Variants in RBFOX1 observed in about 807,000 individuals in gnomAD.
The protein encoded by RBFOX1 is RNA binding fox-1 homolog 1, also known as RNA binding protein fox-1 homolog 1.
Under a neutral mutation model 57.7 loss-of-function variants are expected in RBFOX1, and 8 were observed. That is an observed-to-expected ratio of 0.14 (90% CI 0.08 to 0.25). The LOEUF is 0.25. Among genes scored for constraint, RBFOX1 ranks in the 10% least tolerant of loss-of-function variants. The pLI is 1.00. For synonymous variants in RBFOX1, 326 were observed against 222.4 expected (o/e 1.47, Z -4.15); for missense variants, 611 against 548.5 (o/e 1.11, Z -1.14).
intron 4 of RBFOX1, among the ~76,000 whole-genome samples, chr16:7,113,040 G>C (rs2065130373): frequency 6.6e-6 from 1 of 152,208 alleles, no homozygotes. Flanking sequence ...TGGAGTCAGA[G>C]AAAGCCTTGC....
chr16:7,174,593 G>C (rs894990375), intron 4 of RBFOX1, among the ~76,000 whole-genome samples: 2 of 152,086 alleles, frequency 1.3e-5, no homozygotes, highest in East Asian at 3.9e-4. Flanking sequence ...TTAACCTGGT[G>C]TAGGTGGTGA....
chr16:6,290,479 C>A (rs570841308), intron 1 of RBFOX1, among the ~76,000 whole-genome samples: 1 of 151,672 alleles, frequency 6.6e-6, no homozygotes, highest in African/African-American at 2.4e-5. Context: ...AAGTGAGCAT[C>A]AGTCACTTGT....
At chr16:6,955,348 G>GAACACA (rs71408483) in intron 3 of RBFOX1, among the ~76,000 whole-genome samples, 6 of 150,230 alleles carry the variant, frequency 4.0e-5, no homozygotes, top group African/African-American at 1.5e-4. Context: ...CCCCACATAT[G>GAACACA]CACACACACA....
At chr16:5,768,805 C>T (rs545023631) in intron 3 of RBFOX1, among the ~76,000 whole-genome samples, 23 of 152,246 alleles carry the variant, frequency 1.5e-4, no homozygotes, top group African/African-American at 5.3e-4. Context: ...ATGGAGTCCC[C>T]TCCACGGAAC....
chr16:6,192,933 C>T (rs536703977), intron 1 of RBFOX1, among the ~76,000 whole-genome samples: 4 of 152,172 alleles, frequency 2.6e-5, no homozygotes, highest in South Asian at 2.1e-4. Context: ...TATATTATGT[C>T]GAAATTCAAT....
intron 3 of RBFOX1, among the ~76,000 whole-genome samples, chr16:6,755,309 A>T (rs904359187): frequency 2.0e-5 from 3 of 152,218 alleles, no homozygotes; most frequent in Admixed American, 6.5e-5. Context: ...ACTAGTTTAC[A>T]GTCCCACCAA....
intron 1 of RBFOX1, among the ~76,000 whole-genome samples, chr16:5,378,645 G>T (rs1417058808): frequency 6.6e-6 from 1 of 151,490 alleles, no homozygotes; most frequent in African/African-American, 2.5e-5. Context: ...AAACTGGGAT[G>T]GTTGGTCACA....
intron 3 of RBFOX1, among the ~76,000 whole-genome samples, chr16:6,923,076 C>T (rs2074833220): frequency 6.6e-6 from 1 of 152,138 alleles, no homozygotes; most frequent in South Asian, 2.1e-4. Context: ...CTGTTATTAC[C>T]CCTAAGCCCA....
At chr16:6,291,372 A>T (rs1489780045) in intron 1 of RBFOX1, among the ~76,000 whole-genome samples, 1 of 152,174 alleles carries the variant, frequency 6.6e-6, no homozygotes, top group African/African-American at 2.4e-5. Flanking sequence ...TGCTGGGGTT[A>T]GATGATATGA....
intron 4 of RBFOX1, among the ~76,000 whole-genome samples, chr16:5,939,813 A>G (rs2059244258): frequency 6.6e-6 from 1 of 152,220 alleles, no homozygotes; most frequent in African/African-American, 2.4e-5. Context: ...ATAAAGCCAC[A>G]GCCATACCCT....
At chr16:5,869,765 G>A (rs1358003167) in intron 4 of RBFOX1, among the ~76,000 whole-genome samples, 1 of 152,188 alleles carries the variant, frequency 6.6e-6, no homozygotes, top group Non-Finnish European at 1.5e-5. Flanking sequence ...AGGAGTTGCA[G>A]TAGTTCCTAC....
At chr16:6,449,357 A>G (rs546927783) in intron 2 of RBFOX1, among the ~76,000 whole-genome samples, 3 of 152,206 alleles carry the variant, frequency 2.0e-5, no homozygotes, top group Admixed American at 6.5e-5. Context: ...AAATGTAACA[A>G]TTATGTTGCA....
chr16:5,937,080 GTAAGGGC>G (rs138405603), intron 4 of RBFOX1, among the ~76,000 whole-genome samples: 28,719 of 152,026 alleles, frequency 0.19, 3,441 homozygotes, highest in Non-Finnish European at 0.28. Flanking sequence ...TAGACCTATT[GTAAGGGC>G]TAAAGTCTAG....
intron 3 of RBFOX1, chr16:6,983,715 G>A (rs1278261464): frequency 6.6e-6 from 1 of 152,424 alleles, no homozygotes; most frequent in Non-Finnish European, 1.5e-5. Context: ...CTCTAGGCTT[G>A]AAGGTCTGCT....
At chr16:6,003,182 C>A (rs910771868) in intron 4 of RBFOX1, among the ~76,000 whole-genome samples, 31 of 151,212 alleles carry the variant, frequency 2.1e-4, no homozygotes, top group African/African-American at 3.4e-4. Context: ...CGGAAGCTGA[C>A]GCAGGAGAAT....
At chr16:5,917,390 A>G (rs1223597534) in intron 4 of RBFOX1, among the ~76,000 whole-genome samples, 1 of 152,232 alleles carries the variant, frequency 6.6e-6, no homozygotes, top group Non-Finnish European at 1.5e-5. Context: ...CAACAGCCTA[A>G]GAGATTTGGT....
intron 3 of RBFOX1, among the ~76,000 whole-genome samples, chr16:6,804,328 C>T (rs545195347): frequency 6.6e-6 from 1 of 152,010 alleles, no homozygotes; most frequent in African/African-American, 2.4e-5. Flanking sequence ...AATTTTAACT[C>T]CAGGGTAAAT....
At chr16:7,674,692 C>T (rs1053375675) in intron 13 of RBFOX1, among the ~76,000 whole-genome samples, 5 of 152,326 alleles carry the variant, frequency 3.3e-5, no homozygotes, top group African/African-American at 9.6e-5. Flanking sequence ...TTGAGACCTT[C>T]ATAGATGACC....
intron 4 of RBFOX1, among the ~76,000 whole-genome samples, chr16:7,077,369 T>C (rs2153790220): frequency 6.6e-6 from 1 of 152,326 alleles, no homozygotes; most frequent in East Asian, 1.9e-4. Flanking sequence ...TGAATTTTCC[T>C]ACAAAAGTCA....
Sources: allele counts gnomAD v4.1 joint callset (sites outside exome capture counted in the v4.1 genomes callset), GRCh38; gene constraint gnomAD v4.1.1; transcripts MANE v1.5; gene names NCBI Gene and HGNC (gene_info 2026-07-23, HGNC 2026-07-21).